The following PABIR3 variants were observed in gnomAD, a reference collection of about 807,000 sequenced individuals.
PABIR3 encodes the protein PABIR family member 1.
A neutral mutation model predicts 23.1 loss-of-function variants in PABIR3; 20 were observed. The ratio of observed to expected loss-of-function variants is 0.86; its 90% confidence interval spans 0.61 to 1.26. The LOEUF (loss-of-function observed/expected upper bound fraction) is 1.26, where lower values mean the gene tolerates loss of function less well. Ranked by LOEUF, PABIR3 falls within the 50% of genes most tolerant of loss-of-function variation. The pLI is 0.00. For synonymous variants in PABIR3, 69 were observed against 68.5 expected (o/e 1.01, Z -0.04); for missense variants, 189 against 195.4 (o/e 0.97, Z 0.20).
rs1162024470 is a variant in PABIR3 at position 134,832,394 on chromosome X, CTTTTT to C, written c.246+3135_246+3139del. On this transcript the variant is annotated intron_variant, in intron 4 of 10. Coordinates refer to ENST00000645433, the MANE Select transcript of PABIR3 (RefSeq NM_001388447.1). ...CATGTTGCTACAAACGACTGGATCC[CTTTTT>C]TTTTTTTTTTTTTTTTTTTTTTGAG... is the stretch of plus-strand genomic sequence containing the variant. 5.2e-5 allele frequency among the ~76,000 whole-genome samples: 4 copies of C among 77,024 alleles called. No individual in the cohort carries two copies. The East Asian group carries it at 1.1e-3, about 21-fold the overall frequency. The allele number at this position is 77,024 out of a possible 115,157, so 66.9% of individuals were successfully genotyped here.
intron 2 of PABIR3, chrX:134,811,173 C>T: frequency 2.7e-6 from 2 of 747,987 alleles, no homozygotes; most frequent in Non-Finnish European, 3.2e-6. Context: ...ATAAAAATTC[C>T]AACGTCAAAA....
chrX:134,822,361 G>A, intron 3 of PABIR3: 1 of 750,880 alleles, frequency 1.3e-6, no homozygotes, highest in South Asian at 6.8e-5. Context: ...CTTGTTTTCT[G>A]CAATTAATTT....
intron 4 of PABIR3, chrX:134,839,509 G>A (rs1457833903): frequency 1.5e-4 from 18 of 121,727 alleles, no homozygotes; most frequent in African/African-American, 4.0e-4. Flanking sequence ...CAGCCACACC[G>A]TCTGGGAAGT....
upstream of PABIR3, among the ~76,000 whole-genome samples, chrX:134,803,879 T>C (rs1320869616): frequency 2.7e-5 from 3 of 111,167 alleles, no homozygotes; most frequent in African/African-American, 9.9e-5. Context: ...ATTTCTAGGT[T>C]TTATTAACAT....
At chrX:134,847,632 G>A (rs189163353) in intron 7 of PABIR3, among the ~76,000 whole-genome samples, 157 bp downstream of exon 7, 1 of 111,909 alleles carries the variant, frequency 8.9e-6, no homozygotes, top group Non-Finnish European at 1.9e-5. Context: ...ATTTCTTCAA[G>A]TATTACTTAC....
intron 4 of PABIR3, among the ~76,000 whole-genome samples, chrX:134,840,393 ACAT>A (rs1019198482): frequency 1.8e-5 from 2 of 111,428 alleles, no homozygotes; most frequent in Admixed American, 1.9e-4. Flanking sequence ...AACAAAAAAA[ACAT>A]CATTTTCACT....
At chrX:134,828,047 C>CTCTCTCTATATA (rs1466733144) in intron 3 of PABIR3, among the ~76,000 whole-genome samples, 5 of 49,407 alleles carry the variant, frequency 1.0e-4, no homozygotes, top group African/African-American at 3.3e-4. Context: ...CTCTCTCTCT[C>CTCTCTCTATATA]TATATATATA....
At chrX:134,810,050 C>T (rs2080552729) in intron 2 of PABIR3, 1 of 754,155 alleles carries the variant, frequency 1.3e-6, no homozygotes, top group African/African-American at 2.3e-5. Context: ...TTATGGGACC[C>T]ACTCTACTAG....
At chrX:134,853,998 G>A in intron 10 of PABIR3, 93 bp from the exon 11 acceptor site, 1 of 958,849 alleles carries the variant, frequency 1.0e-6, no homozygotes, top group Non-Finnish European at 1.4e-6. Flanking sequence ...CCAGTTGTTA[G>A]TCATGTATTT....
intron 3 of PABIR3, chrX:134,822,116 A>G: frequency 1.3e-6 from 1 of 753,771 alleles, no homozygotes; most frequent in Non-Finnish European, 1.6e-6. Flanking sequence ...CCATGACATC[A>G]TTCCTTGGTG....
chrX:134,824,673 G>A (rs2081431319), intron 3 of PABIR3, among the ~76,000 whole-genome samples: 3 of 111,107 alleles, frequency 2.7e-5, no homozygotes, highest in South Asian at 3.8e-4. Context: ...GGTGGCGCAC[G>A]CCTGTAATCC....
chrX:134,856,026 C>T (rs994270411), downstream of PABIR3, among the ~76,000 whole-genome samples: 2 of 111,061 alleles, frequency 1.8e-5, no homozygotes, highest in Non-Finnish European at 3.8e-5. Context: ...AAGAGAGTTT[C>T]GCAGAATGTT....
At chrX:134,861,165 C>A in the PABIR3 span, among the ~76,000 whole-genome samples, 3 of 110,285 alleles carry the variant, frequency 2.7e-5, no homozygotes, top group Non-Finnish European at 5.7e-5. Flanking sequence ...GTCCCAGCTA[C>A]TCAAGAGGCT....
At position 134,807,507 on chromosome X, in the gene PABIR3, CCT is replaced by C. The variant is rs756690406; in HGVS notation, c.-59-27_-59-26del. 1.3e-3 allele frequency: 1,480 copies of C among 1,169,369 alleles called. 1 individual carries two copies. The highest frequency in any genetic ancestry group is 1.6e-3 in the Non-Finnish European group (1,378 of 871,745). On this transcript the variant is annotated intron_variant, in intron 1 of 10. Coordinates refer to ENST00000645433, the MANE Select transcript of PABIR3 (RefSeq NM_001388447.1). The stretch of plus-strand genomic sequence containing the variant: ...TCCTCTCTTCTCTTTTTCCCCTTTG[CCT>C]CTCTCCTTACATCACCTGCCCACTA...
chrX:134,849,285 T>A, intron 9 of PABIR3, 57 bp downstream of exon 9: 1 of 517,080 alleles, frequency 1.9e-6, no homozygotes, highest in Non-Finnish European at 2.7e-6. Flanking sequence ...ATAAAATATC[T>A]AAAATCAAAT....
At chrX:134,860,828 C>G in the PABIR3 span, among the ~76,000 whole-genome samples, 2 of 111,627 alleles carry the variant, frequency 1.8e-5, no homozygotes, top group Non-Finnish European at 3.8e-5. Flanking sequence ...TGAAATAAGT[C>G]TGACACAAAC....
intron 4 of PABIR3, among the ~76,000 whole-genome samples, chrX:134,837,499 A>G (rs1011261545): frequency 8.9e-6 from 1 of 112,237 alleles, no homozygotes; most frequent in East Asian, 2.8e-4. Flanking sequence ...TACAGTTCCC[A>G]TTTTTACCAT....
intron 3 of PABIR3, chrX:134,822,372 C>A: frequency 1.3e-6 from 1 of 751,742 alleles, no homozygotes; most frequent in Non-Finnish European, 1.6e-6. Flanking sequence ...CAATTAATTT[C>A]TCACATTATT....
At chrX:134,813,135 G>A (rs1257461763) in intron 2 of PABIR3, among the ~76,000 whole-genome samples, 1 of 111,944 alleles carries the variant, frequency 8.9e-6, no homozygotes, top group Non-Finnish European at 1.9e-5. Context: ...GAAAAAGGTG[G>A]CAACTGTATG....
Sources: gnomAD v4.1 joint callset for allele counts (sites outside exome capture counted in the v4.1 genomes callset) on GRCh38, gnomAD v4.1.1 for gene constraint, MANE v1.5 for transcripts, NCBI Gene and HGNC (gene_info 2026-07-23, HGNC 2026-07-21) for gene names.